FAM120C: variants seen among roughly 807,000 people sequenced by gnomAD.
FAM120C encodes the protein family with sequence similarity 120 member C.
In FAM120C, 14 loss-of-function variants were observed where a neutral mutation model predicts 71.2. That is an observed-to-expected ratio of 0.20 (90% CI 0.13 to 0.31). The LOEUF (loss-of-function observed/expected upper bound fraction) is 0.31. FAM120C is among the 10% of genes least tolerant of loss of function. The pLI, the probability that FAM120C is intolerant of heterozygous loss-of-function variation, is 1.00. For missense variants in FAM120C, 500 were observed against 879.0 expected (o/e 0.57, Z 5.45); for synonymous variants, 354 against 353.2 (o/e 1.00, Z -0.03).
intron 9 of FAM120C, among the ~76,000 whole-genome samples, chrX:54,129,693 A>G (rs1237120708): frequency 8.0e-5 from 9 of 112,071 alleles, no homozygotes; most frequent in African/African-American, 2.3e-4. Flanking sequence ...GGTTGTAGCG[A>G]GCCAAGATCA....
rs2066704605 is a variant in FAM120C, at chrX:54,070,414, T to G, written c.*2619A>C. On this transcript the variant is annotated 3_prime_UTR_variant, in exon 16 of 16. Transcript: ENST00000375180. ...AAAATAAGAAATTTTCTTAATGGTG[T>G]GAGAGTTAACAATACTGTCATTTGA... is the stretch of plus-strand genomic sequence containing the variant. The G allele has an allele frequency of 8.9e-6, 1 of 112,255 alleles. No individual in the cohort carries two copies. The highest frequency in any genetic ancestry group is 3.7e-4 in the South Asian group (1 of 2,711). 9.3% of individuals were successfully genotyped at this position (112,255 alleles called of 1,213,427 possible). A position where few individuals can be genotyped will look rare whatever the true frequency, so the allele number is the denominator to read the frequency against.
At chrX:54,171,522 A>G (rs1231144667) in intron 1 of FAM120C, 2 of 112,240 alleles carry the variant, frequency 1.8e-5, no homozygotes, top group African/African-American at 3.2e-5. Context: ...AAACTAGAAA[A>G]TTTATCATTA....
intron 4 of FAM120C, among the ~76,000 whole-genome samples, chrX:54,148,652 G>GA (rs2067169388): frequency 9.0e-6 from 1 of 111,208 alleles, no homozygotes; most frequent in Admixed American, 9.7e-5. Context: ...GTCTCAAAAA[G>GA]AAAAAAATGT....
chrX:54,175,413 A>G (rs2067311434), intron 1 of FAM120C, among the ~76,000 whole-genome samples: 1 of 111,561 alleles, frequency 9.0e-6, no homozygotes, highest in Admixed American at 9.5e-5. Flanking sequence ...AATGGTGGGC[A>G]GATCATGAAG....
intron 4 of FAM120C, among the ~76,000 whole-genome samples, chrX:54,150,489 T>G (rs188803649): frequency 1.2e-3 from 135 of 111,765 alleles, no homozygotes; most frequent in African/African-American, 4.2e-3. Flanking sequence ...AAATTTATTT[T>G]CAAATTTCTT....
At position 54,087,837 on chromosome X, in the gene FAM120C, T is replaced by A; in HGVS notation, c.2555A>T (p.Tyr852Phe). ...GCTCTGGAACAGCTTGCCATCAAAG[T>A]AAATCCATGGACAGCAATGCTCCCA... The part of the protein sequence containing the change: ...VPWEHCCPWI[Y>F]FDGKLFQSKL... The change falls in exon 12 of 16, where the codon TAC becomes TTC. Residue 852 changes from tyrosine to phenylalanine, a missense_variant. By Grantham distance (22) the Tyr-to-Phe change is conservative. Around this residue, in one of 11 missense-constraint regions of FAM120C, gnomAD observed 104 missense variants for 254.5 expected, o/e 0.41. Coordinates refer to ENST00000375180, the MANE Select transcript of FAM120C (RefSeq NM_017848.6). 1.7e-6 allele frequency: 2 copies of A among 1,211,323 alleles called. No individual in the cohort carries two copies. The highest frequency in any genetic ancestry group is 2.2e-6 in the Non-Finnish European group (2 of 895,424).
intron 3 of FAM120C, among the ~76,000 whole-genome samples, chrX:54,151,894 T>TA (rs1557133047): frequency 1.8e-5 from 2 of 111,781 alleles, no homozygotes; most frequent in East Asian, 2.8e-4. Flanking sequence ...GGATTTGCTT[T>TA]AAAAAACATT....
intron 3 of FAM120C, among the ~76,000 whole-genome samples, chrX:54,156,773 G>C (rs1168404429): frequency 9.4e-6 from 1 of 106,541 alleles, no homozygotes; most frequent in Admixed American, 1.0e-4. Flanking sequence ...TGTAATCTCA[G>C]CTACTCGGGA....
At chrX:54,111,469 C>T (rs1259941097) in intron 10 of FAM120C, among the ~76,000 whole-genome samples, 1 of 109,468 alleles carries the variant, frequency 9.1e-6, no homozygotes, top group African/African-American at 3.3e-5. Context: ...GTATGAAAAC[C>T]AGTAGCATTT....
chrX:54,139,980 A>G (rs1557131351), intron 4 of FAM120C, among the ~76,000 whole-genome samples: 1 of 111,272 alleles, frequency 9.0e-6, no homozygotes. Context: ...AAAAAGCTGA[A>G]TTTCATGTAA....
chrX:54,131,945 G>T (rs2146608288), intron 9 of FAM120C, among the ~76,000 whole-genome samples: 1 of 105,580 alleles, frequency 9.5e-6, no homozygotes, highest in African/African-American at 3.5e-5. Flanking sequence ...GTAGAGATGG[G>T]GTTTCACTGG....
Position 54,182,884 on chromosome X carries a change from C to T in FAM120C, c.315G>A (p.Leu105=). ...GCAGCTGAGGGGGCGGCGGCGGCGG[C>T]AGCGGAGGGTGCAGCCCGGGCTGCG... The part of the protein sequence containing the change: ...GQAQPGLHPP[L]PPPPPPQLPG... Residue 105 remains leucine, a synonymous_variant, in exon 1 of 16, where the codon CTG becomes CTA. Coordinates refer to ENST00000375180, the MANE Select transcript of FAM120C (RefSeq NM_017848.6). The T allele has an allele frequency of 8.8e-7, 1 of 1,138,560 alleles. No individual in the cohort carries two copies. The highest frequency in any genetic ancestry group is 1.2e-6 in the Non-Finnish European group (1 of 862,219). 93.8% of individuals were successfully genotyped at this position (1,138,560 alleles called of 1,213,427 possible).
rs1032254294 is a variant in FAM120C at position 54,071,092 on chromosome X, C to T, written c.*1941G>A. 3 of 112,054 alleles carry T rather than the reference C, an allele frequency of 2.7e-5. No homozygotes were observed. Among genetic ancestry groups the T allele is most frequent in the African/African-American group, 9.7e-5 (3 of 30,870 alleles). 9.2% of individuals were successfully genotyped at this position (112,054 alleles called of 1,213,427 possible). A position where few individuals can be genotyped will look rare whatever the true frequency, so the allele number is the denominator to read the frequency against. ...TTGTATTTCTGTAGAAATGGTACTT[C>T]TTGGGCAAGAATATCACAAAGCCCA... On this transcript the variant is annotated 3_prime_UTR_variant, in exon 16 of 16. Transcript: ENST00000375180.
intron 11 of FAM120C, among the ~76,000 whole-genome samples, chrX:54,088,271 G>A (rs1054879535): frequency 9.0e-6 from 1 of 111,267 alleles, no homozygotes; most frequent in African/African-American, 3.3e-5. Context: ...TGAAATAAAT[G>A]GGCAATCATA....
intron 10 of FAM120C, among the ~76,000 whole-genome samples, chrX:54,096,256 C>A (rs782126130): frequency 9.3e-6 from 1 of 107,865 alleles, no homozygotes; most frequent in Admixed American, 1.0e-4. Context: ...ACTAAAAATA[C>A]AAAAATTAGC....
chrX:54,097,104 A>C (rs1195234899), intron 10 of FAM120C, among the ~76,000 whole-genome samples: 1 of 112,253 alleles, frequency 8.9e-6, no homozygotes, highest in Non-Finnish European at 1.9e-5. Flanking sequence ...AGCTATTTGG[A>C]CAAGGAATGG....
rs1321525885 is a variant in FAM120C at position 54,069,585 on chromosome X, C to G, written c.*3448G>C. 1.8e-5 allele frequency: 2 copies of G among 110,608 alleles called. No homozygotes were observed. The allele number at this position is 110,608 out of a possible 1,213,427, so 9.1% of individuals were successfully genotyped here. A position where few individuals can be genotyped will look rare whatever the true frequency, so the allele number is the denominator to read the frequency against. On this transcript the variant is annotated 3_prime_UTR_variant, in exon 16 of 16. Coordinates refer to ENST00000375180, the MANE Select transcript of FAM120C (RefSeq NM_017848.6). ...ATCCTACATAAGCATTCCTGCCCCC[C>G]ACCCTCTACCTTAACCACCCTCTGT...
chrX:54,136,501 G>A lies in FAM120C; in HGVS notation c.1248C>T (p.Pro416=). 1 of 1,205,206 alleles carries A rather than the reference G, an allele frequency of 8.3e-7. No homozygotes were observed. The highest frequency in any genetic ancestry group is 1.1e-6 in the Non-Finnish European group (1 of 889,626). The change falls in exon 5 of 16, where the codon CCC becomes CCT. Residue 416 remains proline, a synonymous_variant. Coordinates refer to ENST00000375180, the MANE Select transcript of FAM120C (RefSeq NM_017848.6). Reference sequence around the variant, plus strand: ...AGATGGAAGCCTTACCTAGAAAGGAGGGACCCACTGGCAGCGAAGAGAGTT... The same window carrying A: ...AGATGGAAGCCTTACCTAGAAAGGAAGGACCCACTGGCAGCGAAGAGAGTT... ...TTKLSSLPVG[P]SFLGFRNNRL...
At chrX:54,126,355 G>A (rs1251076774) in intron 9 of FAM120C, among the ~76,000 whole-genome samples, 1 of 111,908 alleles carries the variant, frequency 8.9e-6, no homozygotes, top group Non-Finnish European at 1.9e-5. Context: ...AGCTACACGG[G>A]TCCACTTATG....
Sources: gnomAD v4.1 joint callset for allele counts (sites outside exome capture counted in the v4.1 genomes callset) on GRCh38, gnomAD v4.1.1 for gene constraint, gnomAD v4.1.1 regional missense constraint, MANE v1.5 for transcripts, NCBI Gene and HGNC (gene_info 2026-07-23, HGNC 2026-07-21) for gene names.